Variants in SMU1 observed in about 807,000 individuals in gnomAD.
SMU1 encodes the protein WD40 repeat-containing protein SMU1.
In SMU1, 2 loss-of-function variants were observed where a neutral mutation model predicts 62.0. The ratio of observed to expected loss-of-function variants is 0.03; its 90% CI spans 0.01 to 0.10. The LOEUF (loss-of-function observed/expected upper bound fraction) is 0.10. Ranked by LOEUF, SMU1 falls within the 10% of genes least tolerant of loss-of-function variation. SMU1 has a pLI of 1.00. For missense variants in SMU1, 227 were observed against 622.1 expected (o/e 0.36, Z 6.76); for synonymous variants, 188 against 212.4 (o/e 0.89, Z 1.00).
intron 9 of SMU1, among the ~76,000 whole-genome samples, chr9:33,054,923 G>T (rs1050103049): frequency 1.3e-5 from 2 of 152,174 alleles, no homozygotes; most frequent in African/African-American, 2.4e-5. Context: ...CCCACTCACT[G>T]CAGAACTAAG....
chr9:33,074,820 G>C (rs988807070), intron 1 of SMU1, among the ~76,000 whole-genome samples: 13 of 149,014 alleles, frequency 8.7e-5, no homozygotes, highest in Admixed American at 3.4e-4. Flanking sequence ...CGCTCAGGCT[G>C]GACAGAATAG....
intron 5 of SMU1, among the ~76,000 whole-genome samples, chr9:33,060,972 CAG>C (rs1839355242): frequency 6.6e-6 from 1 of 152,158 alleles, no homozygotes. Flanking sequence ...TTGTGTATCT[CAG>C]GGGGAAAAAA....
chr9:33,058,047 G>C (rs1360772894), intron 6 of SMU1, among the ~76,000 whole-genome samples: 1 of 151,942 alleles, frequency 6.6e-6, no homozygotes, highest in East Asian at 1.9e-4. Context: ...GTATGATGTG[G>C]GAAACTAAAC....
intron 1 of SMU1, among the ~76,000 whole-genome samples, chr9:33,075,074 C>T (rs1279913190): frequency 6.6e-6 from 1 of 152,118 alleles, no homozygotes; most frequent in Non-Finnish European, 1.5e-5. Flanking sequence ...CACCTGGCCC[C>T]TCTTCTTAAA....
rs370419078 is a variant in SMU1 at position 33,048,202 on chromosome 9, G to A, written c.1347C>T (p.Ala449=). The A allele has an allele frequency of 6.2e-7, 1 of 1,614,056 alleles. No homozygotes were observed. The highest frequency in any genetic ancestry group is 2.2e-5 in the East Asian group (1 of 44,874). ...KREGGDFVCC[A]LSPRGEWIYC... is the part of the protein sequence containing the mutation. ...AGATCCATTCACCACGGGGAGAGAG[G>A]GCACAGCAAACAAAGTCCCCACCTT... Residue 449 remains alanine, a synonymous_variant, in exon 11 of 12, where the codon GCC becomes GCT. Transcript: ENST00000397149.
chr9:33,076,013 A>T (rs1839542153), intron 1 of SMU1, among the ~76,000 whole-genome samples: 1 of 152,172 alleles, frequency 6.6e-6, no homozygotes, highest in Non-Finnish European at 1.5e-5. Context: ...CTAGTTGTTC[A>T]TTCATTCCAA....
chr9:33,061,441 A>C (rs1369238167), intron 5 of SMU1, among the ~76,000 whole-genome samples: 1 of 152,194 alleles, frequency 6.6e-6, no homozygotes, highest in Non-Finnish European at 1.5e-5. Flanking sequence ...AGGAATATGA[A>C]ATATTTTAAA....
rs1392040924 is a variant in SMU1 at position 33,044,026 on chromosome 9, C to T, written c.*3267G>A. On this transcript the variant is annotated 3_prime_UTR_variant, in exon 12 of 12. Coordinates refer to ENST00000397149, the MANE Select transcript of SMU1 (RefSeq NM_018225.3). ...AAAAAAAAAAAAAGCCATACTACTC[C>T]CAAATACCTCCGCGCAATGTTTTCC... 1 of 148,774 alleles carries T rather than the reference C, an allele frequency of 6.7e-6. No homozygotes were observed. The highest frequency in any genetic ancestry group is 2.0e-4 in the East Asian group (1 of 5,076). 9.2% of individuals were successfully genotyped at this position (148,774 alleles called of 1,614,324 possible). A position where few individuals can be genotyped will look rare whatever the true frequency, so the allele number is the denominator to read the frequency against.
Position 33,062,071 on chromosome 9 carries a change from G to A in SMU1, c.608C>T (p.Thr203Ile). Residue 203 changes from threonine (T) to isoleucine (I), a missense_variant, in exon 5 of 12, where the codon ACA (threonine) becomes ATA (isoleucine). Coordinates refer to ENST00000397149, the MANE Select transcript of SMU1 (RefSeq NM_018225.3). The stretch of plus-strand genomic sequence containing the variant: ...TACCTTAATATGCCTGCTCAGTTGT[G>A]TAGGAAACTTTTCTTCTTCCACATC... ...VKDVEEEKFPTQLSRHIKFGQ... is the reference protein window; with the variant it reads ...VKDVEEEKFPIQLSRHIKFGQ... The A allele has an allele frequency of 1.2e-6, 2 of 1,613,968 alleles. No homozygotes were observed. The highest frequency in any genetic ancestry group is 2.7e-5 in the African/African-American group (2 of 75,028).
At chr9:33,071,480 T>C (rs544377142) in intron 3 of SMU1, among the ~76,000 whole-genome samples, 3 of 152,264 alleles carry the variant, frequency 2.0e-5, no homozygotes, top group Admixed American at 1.3e-4. Context: ...AATAAAATGT[T>C]CTGCTTTTTT....
intron 9 of SMU1, 108 bp downstream of exon 9, chr9:33,056,005 G>A (rs1322392722): frequency 5.3e-6 from 6 of 1,123,158 alleles, no homozygotes; most frequent in Non-Finnish European, 7.3e-6. Context: ...AAATAGCCAG[G>A]AAAGAGGTTT....
chr9:33,063,826 C>T (rs1471906636), intron 4 of SMU1, among the ~76,000 whole-genome samples: 2 of 151,790 alleles, frequency 1.3e-5, no homozygotes, highest in African/African-American at 2.4e-5. Flanking sequence ...TCGTCTTCCA[C>T]GAAACCAGTC....
chr9:33,057,045 G>T, intron 7 of SMU1, 81 bp from the exon 8 acceptor site: 1 of 1,452,780 alleles, frequency 6.9e-7, no homozygotes, highest in Non-Finnish European at 9.4e-7. Context: ...CAAGCAAGAT[G>T]CAATGCTCAC....
At chr9:33,063,241 A>T (rs1310015617) in intron 4 of SMU1, among the ~76,000 whole-genome samples, 1 of 152,156 alleles carries the variant, frequency 6.6e-6, no homozygotes, top group East Asian at 1.9e-4. Flanking sequence ...GCATGCCTGT[A>T]ATCCCAGCTA....
chr9:33,073,218 G>A (rs1395423124), intron 2 of SMU1, among the ~76,000 whole-genome samples: 1 of 152,008 alleles, frequency 6.6e-6, no homozygotes, highest in Non-Finnish European at 1.5e-5. Context: ...GTATTATGGT[G>A]AGATCCTGTC....
rs1411132203 is a variant in SMU1, at chr9:33,048,266, A to C, written c.1291-8T>G. 1.2e-6 allele frequency: 2 copies of C among 1,613,678 alleles called. No homozygotes were observed. The highest frequency in any genetic ancestry group is 1.7e-6 in the Non-Finnish European group (2 of 1,179,834). ...ACTGAAGCTTCTGACAATCTAGATC[A>C]CACCACACCCCAAGAAAAAAACATC... On this transcript the variant is annotated splice_polypyrimidine_tract_variant and splice_region_variant and intron_variant, in intron 10 of 11. Transcript: ENST00000397149.
intron 1 of SMU1, 33 bp downstream of exon 1, chr9:33,076,550 G>T (rs200645524): frequency 2.2e-5 from 35 of 1,613,022 alleles, no homozygotes; most frequent in Admixed American, 1.8e-4. Flanking sequence ...CAGGCCCCCG[G>T]CAAGGCGCGA....
At chr9:33,058,846 G>A (rs1036330051) in intron 6 of SMU1, among the ~76,000 whole-genome samples, 1 of 151,918 alleles carries the variant, frequency 6.6e-6, no homozygotes, top group Non-Finnish European at 1.5e-5. Context: ...AAAATCAAGA[G>A]ATAAAAGTCA....
intron 5 of SMU1, 42 bp from the exon 6 acceptor site, chr9:33,060,626 G>A (rs1212207696): frequency 6.2e-7 from 1 of 1,604,078 alleles, no homozygotes; most frequent in Non-Finnish European, 8.5e-7. Flanking sequence ...TTTTTATCTA[G>A]TGGACTTAAA....
Sources: allele counts gnomAD v4.1 joint callset (sites outside exome capture counted in the v4.1 genomes callset), GRCh38; gene constraint gnomAD v4.1.1; transcripts MANE v1.5; gene names NCBI Gene and HGNC (gene_info 2026-07-23, HGNC 2026-07-21).